NEBL: variants seen among roughly 807,000 people sequenced by gnomAD.
NEBL encodes the protein nebulette, also known as LIM and SH3 protein 2.
Under a neutral mutation model 140.2 loss-of-function variants are expected in NEBL, and 122 were observed. The ratio of observed to expected loss-of-function variants is 0.87; its 90% CI spans 0.75 to 1.01. NEBL has a LOEUF of 1.01. NEBL is among the 50% of genes least tolerant of loss of function. NEBL has a pLI of 0.00. For missense variants in NEBL, 1,365 were observed against 1,231.3 expected (o/e 1.11, Z -1.62); for synonymous variants, 436 against 398.9 (o/e 1.09, Z -1.11).
rs73607594 is a variant in NEBL at position 21,120,618 on chromosome 10, C to T, written c.164+51765G>A. 2.1e-3 allele frequency among the ~76,000 whole-genome samples: 302 copies of T among 144,298 alleles called. 1 individual carries two copies. Among genetic ancestry groups the T allele is most frequent in the African/African-American group, 6.8e-3 (266 of 38,896 alleles). 94.7% of individuals were successfully genotyped at this position (144,298 alleles called of 152,430 possible). On this transcript the variant is annotated intron_variant, in intron 2 of 6. Transcript: ENST00000417816. ...AGGGCAGTCATAAAATACCGGTTCT[C>T]TCTCCCATCATCCTTCTATATTTAT... is the stretch of plus-strand genomic sequence containing the variant.
intron 3 of NEBL, among the ~76,000 whole-genome samples, chr10:21,237,573 A>G (rs911283420): frequency 6.6e-6 from 1 of 151,686 alleles, no homozygotes; most frequent in African/African-American, 2.4e-5. Context: ...TTCCTTGGAG[A>G]CCATACAGCA....
At chr10:21,218,973 A>C (rs930557989) in intron 3 of NEBL, among the ~76,000 whole-genome samples, 14 of 152,206 alleles carry the variant, frequency 9.2e-5, no homozygotes, top group African/African-American at 3.1e-4. Context: ...TCACAGACGG[A>C]ACCTTATGCC....
intron 2 of NEBL, among the ~76,000 whole-genome samples, chr10:21,070,763 G>C (rs1835780885): frequency 1.3e-5 from 2 of 152,166 alleles, no homozygotes; most frequent in Admixed American, 1.3e-4. Context: ...TTCTTCAGGG[G>C]ATAAGGAAAC....
chr10:21,246,984 T>A (rs1001618721), intron 3 of NEBL, among the ~76,000 whole-genome samples: 1 of 152,186 alleles, frequency 6.6e-6, no homozygotes, highest in South Asian at 2.1e-4. Context: ...TCCCCCTTGC[T>A]GTTCTCGTGA....
chr10:21,243,881 A>G (rs1424883302), intron 3 of NEBL, among the ~76,000 whole-genome samples: 4 of 150,936 alleles, frequency 2.7e-5, no homozygotes, highest in Non-Finnish European at 5.9e-5. Flanking sequence ...GAGCAAAAAA[A>G]GAAAGAGAGA....
rs148856703 is a variant in NEBL at position 20,952,865 on chromosome 10, G to A, written c.357+8807C>T. Among the ~76,000 whole-genome samples the A allele has an allele frequency of 0.012, 1,535 of 127,758 alleles. 102 individuals are homozygous for A. In the Admixed American group the frequency reaches 0.13, roughly 11 times the overall value. The allele number at this position is 127,758 out of a possible 152,430, so 83.8% of individuals were successfully genotyped here. On this transcript the variant is annotated intron_variant, in intron 4 of 6. Coordinates refer to the NEBL transcript ENST00000417816. ...GGTTGCAGTAAGCCGAGATTGCACCGCTGTACTCCAGCCTGGGTGACAGAG... is the reference window on the plus strand; with the variant it reads ...GGTTGCAGTAAGCCGAGATTGCACCACTGTACTCCAGCCTGGGTGACAGAG...
intron 4 of NEBL, among the ~76,000 whole-genome samples, chr10:20,954,378 A>G (rs1418615342): frequency 6.6e-6 from 1 of 152,198 alleles, no homozygotes; most frequent in East Asian, 1.9e-4. Flanking sequence ...GTCTGTATAG[A>G]AAAAAAGACA....
chr10:21,065,699 G>A (rs557807219), intron 2 of NEBL, among the ~76,000 whole-genome samples: 12 of 152,244 alleles, frequency 7.9e-5, no homozygotes, highest in African/African-American at 1.2e-4. Flanking sequence ...TTGCCCCTTC[G>A]GCAGCTGCCA....
At chr10:21,056,317 A>G (rs889398995) in intron 2 of NEBL, among the ~76,000 whole-genome samples, 1 of 152,244 alleles carries the variant, frequency 6.6e-6, no homozygotes, top group Non-Finnish European at 1.5e-5. Context: ...GAGAATGGGG[A>G]AACTTATTCA....
chr10:20,863,468 T>C (rs149321738), intron 7 of NEBL, among the ~76,000 whole-genome samples: 1 of 152,162 alleles, frequency 6.6e-6, no homozygotes, highest in Non-Finnish European at 1.5e-5. Context: ...TCCCCAGCAA[T>C]CTTGGATGAA....
chr10:21,037,572 G>A (rs930957052), intron 2 of NEBL, among the ~76,000 whole-genome samples: 2 of 152,194 alleles, frequency 1.3e-5, no homozygotes, highest in Admixed American at 6.5e-5. Flanking sequence ...GGGGCCACAA[G>A]AGAGAATTTT....
chr10:20,923,571 C>G (rs1833703541), intron 4 of NEBL, among the ~76,000 whole-genome samples: 3 of 140,852 alleles, frequency 2.1e-5, no homozygotes, highest in African/African-American at 7.9e-5. Context: ...CCCAGCTACT[C>G]AGGAGGCTGA....
At chr10:20,935,689 A>G (rs1220719148) in intron 4 of NEBL, among the ~76,000 whole-genome samples, 1 of 152,218 alleles carries the variant, frequency 6.6e-6, no homozygotes, top group Non-Finnish European at 1.5e-5. Flanking sequence ...ATCCCATCTT[A>G]AATAATCTTG....
intron 3 of NEBL, among the ~76,000 whole-genome samples, chr10:21,201,903 T>C (rs978757875): frequency 2.6e-5 from 4 of 152,240 alleles, no homozygotes; most frequent in African/African-American, 4.8e-5. Flanking sequence ...AAATAAACTC[T>C]ATCAGATTTC....
At chr10:21,210,107 A>T (rs1186884185) in intron 3 of NEBL, among the ~76,000 whole-genome samples, 1 of 152,082 alleles carries the variant, frequency 6.6e-6, no homozygotes, top group Non-Finnish European at 1.5e-5. Flanking sequence ...GAAAAACATC[A>T]TGGGCAGGGC....
upstream of NEBL, among the ~76,000 whole-genome samples, chr10:21,175,358 G>C (rs897617660): frequency 6.6e-6 from 1 of 152,174 alleles, no homozygotes; most frequent in East Asian, 1.9e-4. Context: ...TGGCTCAAGG[G>C]AAGCTCCACG....
At chr10:21,030,989 G>A (rs928865092) in intron 2 of NEBL, among the ~76,000 whole-genome samples, 1 of 152,182 alleles carries the variant, frequency 6.6e-6, no homozygotes, top group Non-Finnish European at 1.5e-5. Context: ...GCCTCCAACA[G>A]CTCCCATGTG....
At chr10:21,290,030 C>CT (rs1843122133) in intron 1 of NEBL, among the ~76,000 whole-genome samples, 1 of 152,190 alleles carries the variant, frequency 6.6e-6, no homozygotes, top group Non-Finnish European at 1.5e-5. Context: ...TTCTCTTGAT[C>CT]TTTACCCTGT....
At chr10:21,257,712 C>A (rs1377939343) in intron 1 of NEBL, among the ~76,000 whole-genome samples, 1 of 152,050 alleles carries the variant, frequency 6.6e-6, no homozygotes, top group East Asian at 1.9e-4. Context: ...AGTGAAACCC[C>A]ATCTCTACTA....
Sources: allele counts gnomAD v4.1 joint callset (sites outside exome capture counted in the v4.1 genomes callset), GRCh38; gene constraint gnomAD v4.1.1; transcripts MANE v1.5; gene names NCBI Gene and HGNC (gene_info 2026-07-23, HGNC 2026-07-21).